Variants in NUDCD1 observed in about 807,000 individuals in gnomAD.
NUDCD1 encodes NudC domain containing 1.
Under a neutral mutation model 67.8 loss-of-function variants are expected in NUDCD1, and 60 were observed. The ratio of observed to expected loss-of-function variants is 0.88; its 90% CI spans 0.72 to 1.10. The LOEUF is 1.10. Ranked by LOEUF, NUDCD1 falls within the 50% of genes least tolerant of loss-of-function variation. The pLI, the probability that NUDCD1 is intolerant of heterozygous loss-of-function variation, is 0.00. For synonymous variants in NUDCD1, 244 were observed against 230.8 expected (o/e 1.06, Z -0.52); for missense variants, 643 against 695.0 (o/e 0.93, Z 0.84).
chr8:109,333,781 G>T, intron 1 of NUDCD1, 112 bp downstream of exon 1: 1 of 1,191,544 alleles, frequency 8.4e-7, no homozygotes. Flanking sequence ...CACGCAAGCC[G>T]CCACGGTGGC....
rs79406837 is a variant in NUDCD1, at chr8:109,306,729, T to C, written c.274-10160A>G. Among the ~76,000 whole-genome samples the C allele has an allele frequency of 5.6e-3, 849 of 152,134 alleles. 7 individuals carry two copies. The highest frequency in any genetic ancestry group is 6.2e-3 in the Non-Finnish European group (425 of 68,004). ...ATACGTGTTTTCCTCTTTCTTTTAT[T>C]CAGAGCTTGTGTCTTTCATTTAGTT... is the stretch of plus-strand genomic sequence containing the variant. On this transcript the variant is annotated intron_variant, in intron 2 of 9. Coordinates refer to ENST00000239690, the MANE Select transcript of NUDCD1 (RefSeq NM_032869.4).
At chr8:109,250,138 G>A (rs557664479) in intron 8 of NUDCD1, among the ~76,000 whole-genome samples, 7 of 152,050 alleles carry the variant, frequency 4.6e-5, no homozygotes, top group Non-Finnish European at 8.8e-5. Context: ...AGCCACTGGT[G>A]CCTGGCAAGA....
intron 5 of NUDCD1, among the ~76,000 whole-genome samples, chr8:109,284,029 C>T (rs1390946640): frequency 1.3e-5 from 2 of 150,574 alleles, no homozygotes; most frequent in Non-Finnish European, 3.0e-5. Flanking sequence ...CAAGGCCCAT[C>T]GGCATTCTAC....
chr8:109,324,184 A>C (rs1352331787), intron 1 of NUDCD1, among the ~76,000 whole-genome samples: 2 of 150,924 alleles, frequency 1.3e-5, no homozygotes, highest in African/African-American at 4.9e-5. Context: ...AGGAATGAAA[A>C]TTTTTTTTGC....
chr8:109,333,931 A>G lies in NUDCD1; in HGVS notation c.80T>C (p.Leu27Pro). 1.2e-6 allele frequency: 2 copies of G among 1,614,212 alleles called. No homozygotes were observed. Among genetic ancestry groups the G allele is most frequent in the Non-Finnish European group, 1.7e-6 (2 of 1,180,004 alleles). The change falls in exon 1 of 10, where the codon CTT (leucine) becomes CCT (proline). Residue 27 changes from leucine to proline, a missense_variant. Transcript: ENST00000239690. Reference sequence around the variant, plus strand: ...CAGCTGGTAACAAGGCAGCGGCTCAAGAGAGAGCTTGTAACCCTCGAAGCG... The same window carrying G: ...CAGCTGGTAACAAGGCAGCGGCTCAGGAGAGAGCTTGTAACCCTCGAAGCG... ...DPRFEGYKLSLEPLPCYQLEL... is the reference protein window; with the variant it reads ...DPRFEGYKLSPEPLPCYQLEL...
chr8:109,242,475 G>C lies in NUDCD1; in HGVS notation c.*534C>G. ...AGCAACTGGCTAAAAGTTACATAAA[G>C]CTATACTTAATTTGAAAATAATAAT... On this transcript the variant is annotated 3_prime_UTR_variant, in exon 10 of 10. Transcript: ENST00000239690. The C allele has an allele frequency of 4.4e-6, 1 of 224,724 alleles. No homozygotes were observed. The allele number at this position is 224,724 out of a possible 1,614,324, so 13.9% of individuals were successfully genotyped here.
intron 8 of NUDCD1, among the ~76,000 whole-genome samples, chr8:109,247,284 T>G (rs1406101049): frequency 6.6e-6 from 1 of 152,192 alleles, no homozygotes; most frequent in Non-Finnish European, 1.5e-5. Flanking sequence ...AAAATACAAG[T>G]TGAAACAATA....
chr8:109,324,983 G>C lies in NUDCD1; in HGVS notation c.119-2520C>G, dbSNP rs186832582. Reference sequence around the variant, plus strand: ...TGCGTGCCTGTAATTCCAACTACTGGGGAGGCTGAGGCACGAGAATCGCTT... The same window carrying C: ...TGCGTGCCTGTAATTCCAACTACTGCGGAGGCTGAGGCACGAGAATCGCTT... On this transcript the variant is annotated intron_variant, in intron 1 of 9. Transcript: ENST00000239690. Among the ~76,000 whole-genome samples the C allele has an allele frequency of 4.8e-3, 734 of 152,178 alleles. 11 individuals carry two copies. Among genetic ancestry groups the C allele is most frequent in the African/African-American group, 0.017 (705 of 41,486 alleles).
chr8:109,329,659 T>G, intron 1 of NUDCD1: 1 of 667,312 alleles, frequency 1.5e-6, no homozygotes, highest in Non-Finnish European at 2.4e-6. Flanking sequence ...GATAGCTAAG[T>G]TTAGTATCTT....
chr8:109,308,003 T>C (rs1380978549), intron 2 of NUDCD1, among the ~76,000 whole-genome samples: 2 of 150,304 alleles, frequency 1.3e-5, no homozygotes, highest in Admixed American at 6.6e-5. Flanking sequence ...TGAAATGAGA[T>C]AGACAGCAAC....
At chr8:109,250,509 G>C (rs1231749853) in intron 8 of NUDCD1, among the ~76,000 whole-genome samples, 1 of 152,088 alleles carries the variant, frequency 6.6e-6, no homozygotes, top group Non-Finnish European at 1.5e-5. Context: ...GCCTACCTGG[G>C]ACTCCCAGCA....
At chr8:109,295,776 T>C (rs1447317377) in intron 3 of NUDCD1, among the ~76,000 whole-genome samples, 2 of 152,156 alleles carry the variant, frequency 1.3e-5, no homozygotes, top group African/African-American at 4.8e-5. Context: ...ACTAAATCTT[T>C]TGATTATCTA....
intron 6 of NUDCD1, among the ~76,000 whole-genome samples, chr8:109,279,740 T>C (rs1814386228): frequency 6.6e-6 from 1 of 152,208 alleles, no homozygotes; most frequent in Non-Finnish European, 1.5e-5. Context: ...CAAGTAGTTC[T>C]CCTGTCTCAG....
intron 6 of NUDCD1, among the ~76,000 whole-genome samples, chr8:109,279,232 T>C (rs1237681274): frequency 1.3e-5 from 2 of 152,344 alleles, no homozygotes; most frequent in African/African-American, 4.8e-5. Flanking sequence ...TATTTTACAC[T>C]CGTACCAGAT....
chr8:109,314,763 A>C lies in NUDCD1; in HGVS notation c.273+7546T>G, dbSNP rs142430657. On this transcript the variant is annotated intron_variant, in intron 2 of 9. Transcript: ENST00000239690. The stretch of plus-strand genomic sequence containing the variant: ...ATAAAAATTATAATGCCCATATATT[A>C]TATATAAATGACACTGTAAATAAAC... 2.6e-5 allele frequency among the ~76,000 whole-genome samples: 4 copies of C among 152,222 alleles called. No individual in the cohort carries two copies. In the East Asian group the frequency reaches 7.7e-4, roughly 29 times the overall value.
Position 109,253,621 on chromosome 8 carries a change from C to CA in NUDCD1, c.1300-8141dup, listed in dbSNP as rs550704030. ...AACCAAAGGTTTTCTCTGTTGCCTG[C>CA]AACCTCTAAAAGTTTAGGTAACAGG... On this transcript the variant is annotated intron_variant, in intron 8 of 9. Coordinates refer to ENST00000239690, the MANE Select transcript of NUDCD1 (RefSeq NM_032869.4). Among the ~76,000 whole-genome samples the CA allele has an allele frequency of 3.7e-4, 57 of 152,296 alleles. No individual in the cohort carries two copies. The East Asian group carries it at 9.6e-3, about 26-fold the overall frequency.
chr8:109,262,756 G>A, intron 8 of NUDCD1, among the ~76,000 whole-genome samples: 1 of 151,990 alleles, frequency 6.6e-6, no homozygotes, highest in Middle Eastern at 3.2e-3. Flanking sequence ...AGGAACTGTT[G>A]CTATAAAACC....
intron 2 of NUDCD1, among the ~76,000 whole-genome samples, chr8:109,307,808 G>A (rs1266954416): frequency 1.3e-5 from 2 of 152,100 alleles, no homozygotes; most frequent in African/African-American, 2.4e-5. Context: ...CACCAAAAAC[G>A]AGCAGAAGTA....
chr8:109,258,822 TA>T (rs1482774705), intron 8 of NUDCD1, among the ~76,000 whole-genome samples: 1 of 152,108 alleles, frequency 6.6e-6, no homozygotes, highest in African/African-American at 2.4e-5. Flanking sequence ...CAACTAAAAG[TA>T]TATCTTTTCA....
Sources: gnomAD v4.1 joint callset for allele counts (sites outside exome capture counted in the v4.1 genomes callset) on GRCh38, gnomAD v4.1.1 for gene constraint, MANE v1.5 for transcripts, NCBI Gene and HGNC (gene_info 2026-07-23, HGNC 2026-07-21) for gene names.